DSCAM: variants seen among roughly 807,000 people sequenced by gnomAD.
DSCAM encodes DS cell adhesion molecule, also known as cell adhesion molecule DSCAM.
In DSCAM, 47 loss-of-function variants were observed where a neutral mutation model predicts 217.7. The ratio of observed to expected loss-of-function variants is 0.22; its 90% CI spans 0.17 to 0.28. DSCAM has a LOEUF of 0.28. DSCAM is among the 10% of genes least tolerant of loss of function. The pLI is 1.00. For synonymous variants in DSCAM, 1,056 were observed against 1,015.3 expected (o/e 1.04, Z -0.76); for missense variants, 2,080 against 2,618.3 (o/e 0.79, Z 4.49).
At chr21:40,176,578 A>G (rs1391126068) in intron 15 of DSCAM, among the ~76,000 whole-genome samples, 4 of 152,220 alleles carry the variant, frequency 2.6e-5, no homozygotes, top group Non-Finnish European at 4.4e-5. Flanking sequence ...TAAGTCACAC[A>G]TGGGAAATTG....
chr21:40,280,384 C>T (rs1806172425), intron 10 of DSCAM, among the ~76,000 whole-genome samples: 2 of 151,938 alleles, frequency 1.3e-5, no homozygotes, highest in Non-Finnish European at 2.9e-5. Flanking sequence ...AAGATGGGGT[C>T]TTGCTTGGTT....
chr21:40,334,951 G>C (rs1460028863), intron 8 of DSCAM, among the ~76,000 whole-genome samples: 1 of 152,032 alleles, frequency 6.6e-6, no homozygotes, highest in Non-Finnish European at 1.5e-5. Context: ...CCCGTGAAAA[G>C]GTTCTGCTCC....
In DSCAM at chr21:40,189,777, G is replaced by A. The variant is rs73364134; in HGVS notation, c.2357-539C>T. 8.6e-3 allele frequency among the ~76,000 whole-genome samples: 1,307 copies of A among 152,112 alleles called. 16 individuals carry two copies. The highest frequency in any genetic ancestry group is 0.03 in the African/African-American group (1,261 of 41,462). ...TGTAGGATGTGACTTGCTCCTCCTC[G>A]CCTTCCATCATGGTCATGAGGCCTC... On this transcript the variant is annotated intron_variant, in intron 11 of 32. Transcript: ENST00000400454.
At chr21:40,287,564 A>C (rs985177035) in intron 10 of DSCAM, among the ~76,000 whole-genome samples, 8 of 152,182 alleles carry the variant, frequency 5.3e-5, no homozygotes, top group African/African-American at 1.7e-4. Flanking sequence ...TGAGCACAGC[A>C]TGTGTTTTCC....
intron 3 of DSCAM, among the ~76,000 whole-genome samples, chr21:40,544,781 T>C (rs1169974953): frequency 5.3e-5 from 8 of 152,218 alleles, no homozygotes. Flanking sequence ...ATTGTTGTTA[T>C]ATATTTATCA....
In DSCAM at chr21:40,077,494, T is replaced by C. The variant is rs367596791; in HGVS notation, c.4711+1193A>G. ...TGGGTCCTTAGGTTCACAGCCACTC[T>C]TCTTAGGATGGCATAAACTGTGCTC... On this transcript the variant is annotated intron_variant, in intron 26 of 32. Coordinates refer to ENST00000400454, the MANE Select transcript of DSCAM (RefSeq NM_001389.5). Among the ~76,000 whole-genome samples, 5 of 152,208 alleles carry C rather than the reference T, an allele frequency of 3.3e-5. No homozygotes were observed. The East Asian group carries it at 9.6e-4, about 29-fold the overall frequency.
chr21:40,036,961 C>G (rs1432754289), intron 32 of DSCAM, among the ~76,000 whole-genome samples: 3 of 150,684 alleles, frequency 2.0e-5, no homozygotes, highest in Admixed American at 6.6e-5. Context: ...TGACAAAATT[C>G]AACAACCCTT....
At chr21:40,163,652 T>C (rs1356937601) in intron 16 of DSCAM, among the ~76,000 whole-genome samples, 1 of 152,156 alleles carries the variant, frequency 6.6e-6, no homozygotes, top group Non-Finnish European at 1.5e-5. Flanking sequence ...GATGTGAAGA[T>C]GTCCATTTCC....
At chr21:40,702,118 G>T (rs1018346074) in intron 2 of DSCAM, among the ~76,000 whole-genome samples, 3 of 151,904 alleles carry the variant, frequency 2.0e-5, no homozygotes, top group Non-Finnish European at 4.4e-5. Context: ...TTGTTGTTGG[G>T]TACATAAACA....
chr21:40,211,025 G>T (rs76929397), intron 11 of DSCAM, among the ~76,000 whole-genome samples: 1 of 152,142 alleles, frequency 6.6e-6, no homozygotes, highest in Non-Finnish European at 1.5e-5. Context: ...TTTGCACCTG[G>T]CCCCATCCTA....
intron 3 of DSCAM, among the ~76,000 whole-genome samples, chr21:40,497,335 A>T (rs1297757648): frequency 1.3e-5 from 2 of 152,214 alleles, no homozygotes; most frequent in South Asian, 2.1e-4. Flanking sequence ...AACATGGCTA[A>T]GCTTGAAGGA....
At chr21:40,263,257 A>AT in intron 11 of DSCAM, among the ~76,000 whole-genome samples, 1 of 152,330 alleles carries the variant, frequency 6.6e-6, no homozygotes, top group East Asian at 1.9e-4. Flanking sequence ...TCTATAAATA[A>AT]TTACTTAATG....
chr21:40,551,973 C>T (rs961114550), intron 3 of DSCAM, among the ~76,000 whole-genome samples: 1 of 152,028 alleles, frequency 6.6e-6, no homozygotes, highest in Non-Finnish European at 1.5e-5. Flanking sequence ...TTTTGGTTTA[C>T]AGTAAGGAGG....
At chr21:40,102,781 T>G (rs971136852) in intron 20 of DSCAM, among the ~76,000 whole-genome samples, 1 of 152,242 alleles carries the variant, frequency 6.6e-6, no homozygotes, top group African/African-American at 2.4e-5. Flanking sequence ...GTAGCTGCAC[T>G]TGTAAGACCT....
At chr21:40,556,133 C>T (rs1217221941) in intron 3 of DSCAM, among the ~76,000 whole-genome samples, 1 of 152,184 alleles carries the variant, frequency 6.6e-6, no homozygotes, top group Non-Finnish European at 1.5e-5. Flanking sequence ...ATAGAATAAT[C>T]ACCTTTGAGG....
At chr21:40,383,803 T>A (rs1041747322) in intron 3 of DSCAM, 1 of 152,232 alleles carries the variant, frequency 6.6e-6, no homozygotes, top group African/African-American at 2.4e-5. Flanking sequence ...TGCATTTTTT[T>A]ATAATTACAT....
At chr21:40,543,466 A>G (rs376509804) in intron 3 of DSCAM, among the ~76,000 whole-genome samples, 1 of 152,192 alleles carries the variant, frequency 6.6e-6, no homozygotes, top group Non-Finnish European at 1.5e-5. Flanking sequence ...GTCATGTCCT[A>G]TCACAAGCGA....
At chr21:40,731,895 T>C (rs2091016860) in intron 1 of DSCAM, among the ~76,000 whole-genome samples, 1 of 152,080 alleles carries the variant, frequency 6.6e-6, no homozygotes, top group Admixed American at 6.6e-5. Flanking sequence ...CTGGCTAATT[T>C]TTTGTATTTT....
chr21:40,177,013 C>T (rs60584567), intron 15 of DSCAM, among the ~76,000 whole-genome samples: 53,046 of 152,072 alleles, frequency 0.35, 9,377 homozygotes, highest in African/African-American at 0.39. Context: ...GCTGTTTTCC[C>T]GAGGAGGTGG....
Sources: gnomAD v4.1 joint callset for allele counts (sites outside exome capture counted in the v4.1 genomes callset) on GRCh38, gnomAD v4.1.1 for gene constraint, MANE v1.5 for transcripts, NCBI Gene and HGNC (gene_info 2026-07-23, HGNC 2026-07-21) for gene names.